ABCD2: variants seen among roughly 807,000 people sequenced by gnomAD.
The protein encoded by ABCD2 is ATP-binding cassette sub-family D member 2.
A neutral mutation model predicts 70.9 loss-of-function variants in ABCD2; 36 were observed. The ratio of observed to expected loss-of-function variants is 0.51; its 90% confidence interval spans 0.39 to 0.67. The LOEUF is 0.67. ABCD2 is among the 30% of genes least tolerant of loss of function. ABCD2 has a pLI of 0.00. For missense variants in ABCD2, 729 were observed against 890.2 expected, an observed-to-expected ratio of 0.82 and a Z score of 2.30; for synonymous variants, 304 against 306.9, an observed-to-expected ratio of 0.99 and a Z score of 0.10.
intron 3 of ABCD2, among the ~76,000 whole-genome samples, chr12:39,605,993 A>C (rs1037890491): frequency 6.6e-6 from 1 of 152,156 alleles, no homozygotes; most frequent in African/African-American, 2.4e-5. Context: ...TAGCTATTTA[A>C]ATGATGATTT....
chr12:39,619,168 A>C lies in ABCD2; in HGVS notation c.448T>G (p.Trp150Gly). 4 of 1,614,208 alleles carry C rather than the reference A, an allele frequency of 2.5e-6. No individual in the cohort carries two copies. The highest frequency in any genetic ancestry group is 3.4e-6 in the Non-Finnish European group (4 of 1,180,040). Reference protein sequence around the residue: ...PRTFIIKLIKWLMIAIPATFV... With the variant: ...PRTFIIKLIKGLMIAIPATFV... The stretch of plus-strand genomic sequence containing the variant: ...GTAGCAGGGATGGCAATCATAAGCC[A>C]CTTGATTAATTTGATGATGAAAGTC... The change falls in exon 1 of 10, where the codon TGG becomes GGG. Residue 150 changes from tryptophan to glycine, a missense_variant. Trp to Gly is a radical substitution (Grantham distance 184). Transcript: ENST00000308666.
chr12:39,572,649 A>G (rs144570183), intron 9 of ABCD2, among the ~76,000 whole-genome samples: 27 of 152,342 alleles, frequency 1.8e-4, no homozygotes, highest in African/African-American at 6.0e-4. Flanking sequence ...AACATTCTTT[A>G]TAAGGTCAAA....
chr12:39,565,196 T>C (rs1215663654), intron 9 of ABCD2, among the ~76,000 whole-genome samples: 9 of 152,216 alleles, frequency 5.9e-5, no homozygotes, highest in Non-Finnish European at 1.5e-5. Flanking sequence ...GGGGATGGCA[T>C]TGAATCTATA....
intron 2 of ABCD2, 31 bp from the exon 3 acceptor site, chr12:39,607,745 G>GTTT (rs58771682): frequency 0.02 from 15,127 of 762,334 alleles, 1 homozygote; most frequent in South Asian, 0.033. Context: ...CAAAACTTGA[G>GTTT]TTTTTTTTTT....
chr12:39,563,066 G>A (rs774316965), intron 9 of ABCD2, among the ~76,000 whole-genome samples: 9 of 152,076 alleles, frequency 5.9e-5, no homozygotes, highest in Non-Finnish European at 2.9e-5. Context: ...CAAAAAATAT[G>A]ATTATCTTAA....
intron 9 of ABCD2, among the ~76,000 whole-genome samples, chr12:39,563,536 G>T (rs1014400632): frequency 6.6e-6 from 1 of 152,072 alleles, no homozygotes; most frequent in African/African-American, 2.4e-5. Flanking sequence ...GAAATAAAAG[G>T]CATCTGAATT....
Position 39,550,646 on chromosome 12 carries a change from A to G in ABCD2, c.*3266T>C, listed in dbSNP as rs1306078673. 1 of 151,798 alleles carries G rather than the reference A, an allele frequency of 6.6e-6. No homozygotes were observed. The highest frequency in any genetic ancestry group is 1.5e-5 in the Non-Finnish European group (1 of 67,726). The allele number at this position is 151,798 out of a possible 1,614,324, so 9.4% of individuals were successfully genotyped here. The stretch of plus-strand genomic sequence containing the variant: ...GGCAAAACATATTCAACCCCAAAAC[A>G]TATTCAACATATCTAAATGTATATA... On this transcript the variant is annotated 3_prime_UTR_variant, in exon 10 of 10. Transcript: ENST00000308666.
At chr12:39,566,620 C>T (rs182244668) in intron 9 of ABCD2, among the ~76,000 whole-genome samples, 63 of 152,186 alleles carry the variant, frequency 4.1e-4, no homozygotes, top group African/African-American at 1.5e-3. Context: ...TTTTTTGTGT[C>T]TCTATTTCCT....
At chr12:39,561,860 A>T (rs1941264748) in intron 9 of ABCD2, among the ~76,000 whole-genome samples, 1 of 152,164 alleles carries the variant, frequency 6.6e-6, no homozygotes, top group Non-Finnish European at 1.5e-5. Context: ...ATTTATAGAA[A>T]ATTTCATCAA....
At position 39,607,693 on chromosome 12, in the gene ABCD2, A is replaced by T; in HGVS notation, c.1142T>A (p.Met381Lys). The T allele has an allele frequency of 6.2e-7, 1 of 1,611,838 alleles. No homozygotes were observed. The highest frequency in any genetic ancestry group is 1.1e-5 in the South Asian group (1 of 90,116). ...ADGEDGQKQV[M>K]VSERTEAFTT... ...AAAGGCTTCTGTCCGTTCACTAACC[A>T]TAACTTGCTTTTGGCCATCCTCTAG... The change falls in exon 3 of 10, where the codon ATG (methionine) becomes AAG (lysine). Residue 381 changes from methionine (M) to lysine (K), a missense_variant. By Grantham distance (95) the Met-to-Lys change is moderately conservative. Around this residue, in one of 3 missense-constraint regions of ABCD2, gnomAD observed 195 missense variants for 300.2 expected, o/e 0.65. Transcript: ENST00000308666.
chr12:39,565,036 G>A (rs2120561359), intron 9 of ABCD2, among the ~76,000 whole-genome samples: 1 of 152,314 alleles, frequency 6.6e-6, no homozygotes, highest in East Asian at 1.9e-4. Context: ...CTGTAGCCTT[G>A]TAGTATAGTT....
chr12:39,606,092 G>A (rs1019913705), intron 3 of ABCD2, among the ~76,000 whole-genome samples: 1 of 152,094 alleles, frequency 6.6e-6, no homozygotes, highest in African/African-American at 2.4e-5. Flanking sequence ...GTGAAACCTG[G>A]GCAAATATAA....
intron 9 of ABCD2, among the ~76,000 whole-genome samples, chr12:39,564,539 A>C (rs1941312860): frequency 6.6e-6 from 1 of 152,202 alleles, no homozygotes; most frequent in Admixed American, 6.5e-5. Flanking sequence ...GCCATTTGTC[A>C]GATGAGTAGA....
chr12:39,606,477 C>T, intron 3 of ABCD2, among the ~76,000 whole-genome samples: 1 of 152,162 alleles, frequency 6.6e-6, no homozygotes. Flanking sequence ...TAATTGTTAT[C>T]ATTTCTCTAA....
At chr12:39,542,464 A>C in the ABCD2 span, among the ~76,000 whole-genome samples, 1 of 151,100 alleles carries the variant, frequency 6.6e-6, no homozygotes, top group Non-Finnish European at 1.5e-5. Flanking sequence ...TCCATCTCAA[A>C]AAAAAAAAAA....
intron 2 of ABCD2, among the ~76,000 whole-genome samples, chr12:39,610,900 G>C (rs1226648812): frequency 6.6e-6 from 1 of 152,188 alleles, no homozygotes; most frequent in Non-Finnish European, 1.5e-5. Context: ...GACAGGGCCA[G>C]ATTCCTTAGT....
At chr12:39,576,728 C>T (rs923382017) in intron 8 of ABCD2, among the ~76,000 whole-genome samples, 12 of 152,158 alleles carry the variant, frequency 7.9e-5, no homozygotes, top group African/African-American at 2.9e-4. Context: ...TTTATGGTGA[C>T]AGAAATCAGG....
chr12:39,564,826 C>T (rs1941318492), intron 9 of ABCD2, among the ~76,000 whole-genome samples: 1 of 152,120 alleles, frequency 6.6e-6, no homozygotes, highest in Non-Finnish European at 1.5e-5. Flanking sequence ...AGGAAGGGAT[C>T]CAGTTTCAGC....
chr12:39,553,512 C>G lies in ABCD2; in HGVS notation c.*400G>C, dbSNP rs145839091. 1.3e-5 allele frequency: 2 copies of G among 159,824 alleles called. No individual in the cohort carries two copies. Among genetic ancestry groups the G allele is most frequent in the African/African-American group, 4.8e-5 (2 of 41,742 alleles). 9.9% of individuals were successfully genotyped at this position (159,824 alleles called of 1,614,324 possible). A position where few individuals can be genotyped will look rare whatever the true frequency, so the allele number is the denominator to read the frequency against. The stretch of plus-strand genomic sequence containing the variant: ...AACCATAAATGGACTAAATGTCACT[C>G]AAAGTTTGAATCTTATGCACTTGGT... On this transcript the variant is annotated 3_prime_UTR_variant, in exon 10 of 10. Coordinates refer to ENST00000308666, the MANE Select transcript of ABCD2 (RefSeq NM_005164.4).
Sources: allele counts gnomAD v4.1 joint callset (sites outside exome capture counted in the v4.1 genomes callset), GRCh38; gene constraint gnomAD v4.1.1; regional missense constraint gnomAD v4.1.1; transcripts MANE v1.5; gene names NCBI Gene and HGNC (gene_info 2026-07-23, HGNC 2026-07-21).